The following JARID2 variants were observed in gnomAD, a reference collection of about 807,000 sequenced individuals.
JARID2 encodes the protein protein Jumonji.
A neutral mutation model predicts 125.6 loss-of-function variants in JARID2; 21 were observed. The ratio of observed to expected loss-of-function variants is 0.17; its 90% confidence interval spans 0.12 to 0.24. The LOEUF (loss-of-function observed/expected upper bound fraction) is 0.24, where lower values mean the gene tolerates loss of function less well. Among genes scored for constraint, JARID2 ranks in the 10% least tolerant of loss-of-function variants. JARID2 has a pLI of 1.00. For missense variants in JARID2, 1,303 were observed against 1,639.6 expected (o/e 0.79, Z 3.55); for synonymous variants, 736 against 661.6 (o/e 1.11, Z -1.73).
At chr6:15,348,563 AT>A (rs556132154) in intron 1 of JARID2, among the ~76,000 whole-genome samples, 115 of 151,796 alleles carry the variant, frequency 7.6e-4, no homozygotes, top group Non-Finnish European at 1.1e-3. Context: ...ACTTAATTAA[AT>A]TTTTTTTTCT....
At position 15,479,953 on chromosome 6, in the gene JARID2, G is replaced by A. The variant is rs1357180872; in HGVS notation, c.671-7354G>A. ...TGTTTTCAGACAATAGTGACTCAAA[G>A]TTGAACTGGCTCCAGGGAGCAAGTG... On this transcript the variant is annotated intron_variant, in intron 5 of 17. Coordinates refer to ENST00000341776, the MANE Select transcript of JARID2 (RefSeq NM_004973.4). Among the ~76,000 whole-genome samples the A allele has an allele frequency of 3.3e-5, 5 of 152,248 alleles. No individual in the cohort carries two copies. In the East Asian group the frequency reaches 9.6e-4, roughly 29 times the overall value.
chr6:15,450,287 A>C (rs1485225465), intron 3 of JARID2, among the ~76,000 whole-genome samples: 4 of 152,094 alleles, frequency 2.6e-5, no homozygotes, highest in African/African-American at 9.7e-5. Context: ...CTCCTGCCTC[A>C]GCCTCCTGAG....
chr6:15,456,550 C>T (rs2127651299), intron 4 of JARID2, among the ~76,000 whole-genome samples: 1 of 152,004 alleles, frequency 6.6e-6, no homozygotes, highest in East Asian at 1.9e-4. Context: ...TTTTTTAGAT[C>T]TGAGGTATTA....
At chr6:15,353,811 GC>G (rs1763509146) in intron 1 of JARID2, among the ~76,000 whole-genome samples, 1 of 152,128 alleles carries the variant, frequency 6.6e-6, no homozygotes, top group Admixed American at 6.5e-5. Flanking sequence ...TGGTAGTTTT[GC>G]ATGAGTTGGA....
At chr6:15,321,616 C>T (rs561513290) in intron 1 of JARID2, among the ~76,000 whole-genome samples, 2 of 152,180 alleles carry the variant, frequency 1.3e-5, no homozygotes, top group Middle Eastern at 3.4e-3. Flanking sequence ...TGATTTCCTT[C>T]AGCTTCTCCT....
chr6:15,286,563 C>G (rs116328322), intron 1 of JARID2, among the ~76,000 whole-genome samples: 6 of 150,150 alleles, frequency 4.0e-5, no homozygotes, highest in Admixed American at 2.7e-4. Flanking sequence ...TGCAGTGTTT[C>G]GATTGAAATT....
intron 4 of JARID2, among the ~76,000 whole-genome samples, chr6:15,456,553 A>T (rs1353665968): frequency 6.6e-6 from 1 of 152,072 alleles, no homozygotes; most frequent in Non-Finnish European, 1.5e-5. Flanking sequence ...TTTAGATCTG[A>T]GGTATTAAAA....
chr6:15,509,415 C>T (rs1581664397), intron 12 of JARID2: 3 of 952,918 alleles, frequency 3.1e-6, no homozygotes, highest in Non-Finnish European at 3.7e-6. Flanking sequence ...GCAGCCTCCT[C>T]ATTTTGGCTG....
intron 1 of JARID2, among the ~76,000 whole-genome samples, chr6:15,269,629 A>G (rs1431757287): frequency 1.4e-5 from 2 of 142,980 alleles, no homozygotes; most frequent in Non-Finnish European, 3.0e-5. Context: ...CAGGTTGGGT[A>G]TGAACTCCTA....
chr6:15,443,323 G>C (rs918373808), intron 3 of JARID2, among the ~76,000 whole-genome samples: 12 of 152,150 alleles, frequency 7.9e-5, no homozygotes, highest in African/African-American at 2.9e-4. Flanking sequence ...GTAAGTTAAC[G>C]TGTTGCCTAA....
intron 3 of JARID2, among the ~76,000 whole-genome samples, chr6:15,437,010 C>G (rs1407370043): frequency 1.3e-5 from 2 of 151,906 alleles, no homozygotes; most frequent in Non-Finnish European, 2.9e-5. Flanking sequence ...TCTTAGAGCC[C>G]GACTGCAGGC....
At chr6:15,265,184 A>G (rs1760034491) in intron 1 of JARID2, among the ~76,000 whole-genome samples, 1 of 152,178 alleles carries the variant, frequency 6.6e-6, no homozygotes. Context: ...TTAAAAGCAC[A>G]AGACTAAGGA....
intron 17 of JARID2, 64 bp downstream of exon 17, chr6:15,517,332 A>T: frequency 8.9e-7 from 1 of 1,125,532 alleles, no homozygotes; most frequent in Non-Finnish European, 1.4e-6. Flanking sequence ...TCCCGGCTGG[A>T]TGTAGGCACT....
At chr6:15,442,385 T>TA (rs1186239982) in intron 3 of JARID2, among the ~76,000 whole-genome samples, 4 of 152,222 alleles carry the variant, frequency 2.6e-5, no homozygotes, top group African/African-American at 9.6e-5. Flanking sequence ...TCACTCCTTG[T>TA]AACTACAACA....
intron 4 of JARID2, among the ~76,000 whole-genome samples, chr6:15,456,526 A>G (rs1349295191): frequency 2.0e-5 from 3 of 151,990 alleles, no homozygotes; most frequent in African/African-American, 7.3e-5. Flanking sequence ...CTGTTTTGCT[A>G]TTTCTTTTAT....
At chr6:15,341,610 C>T (rs1763072664) in intron 1 of JARID2, among the ~76,000 whole-genome samples, 2 of 152,114 alleles carry the variant, frequency 1.3e-5, no homozygotes, top group African/African-American at 2.4e-5. Flanking sequence ...TATAAAATTT[C>T]TTGGTGGGGG....
intron 4 of JARID2, among the ~76,000 whole-genome samples, chr6:15,457,234 T>G (rs532366863): frequency 1.3e-5 from 2 of 152,370 alleles, no homozygotes; most frequent in South Asian, 4.1e-4. Context: ...TTAGAGAGAT[T>G]TCCACCTTTT....
rs760823393 is a variant in JARID2 at position 15,468,591 on chromosome 6, TGAGGAGGAAGTC to T, written c.554_565del (p.Val185_Glu188del). On this transcript the variant is annotated inframe_deletion, in exon 5 of 18. Transcript: ENST00000341776. Reference sequence around the variant, plus strand: ...TGGTGTATTTTGGAAGCTCTCAGGATGAGGAGGAAGTCGAGGAGGAAGATGATGAGACAGAAG... The same window carrying T: ...TGGTGTATTTTGGAAGCTCTCAGGATGAGGAGGAAGATGATGAGACAGAAG... 6.8e-6 allele frequency: 11 copies of T among 1,613,980 alleles called. No homozygotes were observed. The highest frequency in any genetic ancestry group is 2.2e-5 in the East Asian group (1 of 44,874).
intron 7 of JARID2, among the ~76,000 whole-genome samples, chr6:15,499,825 T>C (rs1770645549): frequency 6.6e-6 from 1 of 152,108 alleles, no homozygotes. Context: ...GGCTGCTGTG[T>C]CCCCATCCCT....
Sources: gnomAD v4.1 joint callset for allele counts (sites outside exome capture counted in the v4.1 genomes callset) on GRCh38, gnomAD v4.1.1 for gene constraint, MANE v1.5 for transcripts, NCBI Gene and HGNC (gene_info 2026-07-23, HGNC 2026-07-21) for gene names.